SLC8A1: variants seen among roughly 807,000 people sequenced by gnomAD.
The protein encoded by SLC8A1 is sodium/calcium exchanger 1.
In SLC8A1, 18 loss-of-function variants were observed where a neutral mutation model predicts 68.3. That is an observed-to-expected ratio of 0.26 (90% CI 0.18 to 0.39). SLC8A1 has a LOEUF of 0.39. SLC8A1 is among the 10% of genes least tolerant of loss of function. The pLI is 1.00. For synonymous variants in SLC8A1, 475 were observed against 415.5 expected, an observed-to-expected ratio of 1.14 and a Z score of -1.74; for missense variants, 985 against 1,156.7, an observed-to-expected ratio of 0.85 and a Z score of 2.15.
chr2:40,279,042 ACCC>A (rs1266605431), intron 2 of SLC8A1, among the ~76,000 whole-genome samples: 1 of 152,070 alleles, frequency 6.6e-6, no homozygotes, highest in African/African-American at 2.4e-5. Flanking sequence ...CAAGGCCAAA[ACCC>A]TGATTCAAGC....
chr2:40,385,812 T>C (rs1248007273), intron 2 of SLC8A1, among the ~76,000 whole-genome samples: 1 of 151,166 alleles, frequency 6.6e-6, no homozygotes, highest in Non-Finnish European at 1.5e-5. Flanking sequence ...GTAATGACAA[T>C]GGTTTTTAAA....
At chr2:40,423,431 T>C (rs1322594644) in intron 2 of SLC8A1, among the ~76,000 whole-genome samples, 1 of 152,076 alleles carries the variant, frequency 6.6e-6, no homozygotes, top group African/African-American at 2.4e-5. Context: ...TCTGTTATAA[T>C]TCTTAGCCCA....
At chr2:40,215,338 T>A (rs1007931682) in intron 2 of SLC8A1, among the ~76,000 whole-genome samples, 22 of 152,026 alleles carry the variant, frequency 1.4e-4, no homozygotes, top group South Asian at 6.2e-4. Context: ...ACTAATTTTT[T>A]AAAAAATGTT....
chr2:40,484,071 A>T (rs763071126), intron 1 of SLC8A1, among the ~76,000 whole-genome samples: 1 of 152,248 alleles, frequency 6.6e-6, no homozygotes, highest in South Asian at 2.1e-4. Flanking sequence ...TAGAGAGGGT[A>T]TAACTGTGAC....
chr2:40,302,013 C>T (rs1379840133), intron 2 of SLC8A1, among the ~76,000 whole-genome samples: 1 of 146,628 alleles, frequency 6.8e-6, no homozygotes, highest in Admixed American at 6.9e-5. Flanking sequence ...CAGGCACCTG[C>T]CACCACACCG....
exon 8 of SLC8A1, chr2:40,098,876 A>G: frequency 6.6e-6 from 1 of 152,066 alleles, no homozygotes; most frequent in East Asian, 1.9e-4. Flanking sequence ...TACATTTTAC[A>G]GATCATTAAA....
At chr2:40,376,669 G>A (rs1679983303) in intron 2 of SLC8A1, among the ~76,000 whole-genome samples, 1 of 152,126 alleles carries the variant, frequency 6.6e-6, no homozygotes, top group Non-Finnish European at 1.5e-5. Context: ...CAACCATGGA[G>A]TCACTTAGCC....
chr2:40,360,872 A>G (rs1674407345), intron 2 of SLC8A1, among the ~76,000 whole-genome samples: 1 of 152,138 alleles, frequency 6.6e-6, no homozygotes, highest in African/African-American at 2.4e-5. Context: ...GTGGTTTATC[A>G]GGGCACCTCC....
intron 2 of SLC8A1, among the ~76,000 whole-genome samples, chr2:40,182,497 A>G (rs1014383258): frequency 1.3e-5 from 2 of 151,970 alleles, no homozygotes; most frequent in African/African-American, 4.8e-5. Flanking sequence ...AAAAAGAAAA[A>G]GAAAAAAACA....
intron 2 of SLC8A1, among the ~76,000 whole-genome samples, chr2:40,370,074 G>A (rs1257893266): frequency 1.3e-5 from 2 of 152,076 alleles, no homozygotes; most frequent in Non-Finnish European, 2.9e-5. Context: ...GGGAGACATG[G>A]CATTTTAATA....
intron 2 of SLC8A1, among the ~76,000 whole-genome samples, chr2:40,298,033 C>G (rs1363623446): frequency 6.6e-6 from 1 of 152,084 alleles, no homozygotes; most frequent in Non-Finnish European, 1.5e-5. Context: ...GTGTGCACCA[C>G]CACTCCTGGC....
chr2:40,475,379 C>A (rs1439090973), intron 1 of SLC8A1, among the ~76,000 whole-genome samples: 1 of 151,998 alleles, frequency 6.6e-6, no homozygotes, highest in Non-Finnish European at 1.5e-5. Flanking sequence ...GTGATCCACC[C>A]GCCTCTGCCT....
intron 2 of SLC8A1, among the ~76,000 whole-genome samples, chr2:40,236,693 T>C (rs1363666840): frequency 6.6e-6 from 1 of 152,120 alleles, no homozygotes; most frequent in Non-Finnish European, 1.5e-5. Context: ...TTCTTCCTAG[T>C]CTCAATGGTC....
At chr2:40,395,808 A>T (rs1467791802) in intron 2 of SLC8A1, among the ~76,000 whole-genome samples, 1 of 152,146 alleles carries the variant, frequency 6.6e-6, no homozygotes, top group Non-Finnish European at 1.5e-5. Context: ...CAGAATTAGA[A>T]CACAGCTGAC....
intron 2 of SLC8A1, among the ~76,000 whole-genome samples, chr2:40,365,014 T>C (rs891288083): frequency 2.6e-5 from 4 of 152,096 alleles, no homozygotes; most frequent in Non-Finnish European, 4.4e-5. Flanking sequence ...AGTTATTTTA[T>C]GGTATTATTG....
chr2:40,263,372 C>G (rs1000635256), intron 2 of SLC8A1, among the ~76,000 whole-genome samples: 18 of 152,050 alleles, frequency 1.2e-4, no homozygotes, highest in African/African-American at 4.1e-4. Context: ...CATATGGAAC[C>G]AAAAAAGAGC....
At chr2:40,346,435 T>C (rs1669334035) in intron 2 of SLC8A1, among the ~76,000 whole-genome samples, 1 of 152,150 alleles carries the variant, frequency 6.6e-6, no homozygotes, top group African/African-American at 2.4e-5. Context: ...GAAATTAGCA[T>C]CTCTGGGCAG....
exon 2 of SLC8A1, chr2:40,428,992 A>G: frequency 6.2e-7 from 1 of 1,613,844 alleles, no homozygotes; most frequent in Non-Finnish European, 8.5e-7. Flanking sequence ...ACCTCTGCGG[A>G]TAATGGTAAG....
At chr2:40,358,542 G>C (rs566565373) in intron 2 of SLC8A1, among the ~76,000 whole-genome samples, 5 of 152,292 alleles carry the variant, frequency 3.3e-5, no homozygotes, top group South Asian at 4.1e-4. Flanking sequence ...ACCTAATCCA[G>C]TCTAATCCTA....
Sources: allele counts gnomAD v4.1 joint callset (sites outside exome capture counted in the v4.1 genomes callset), GRCh38; gene constraint gnomAD v4.1.1; transcripts MANE v1.5; gene names NCBI Gene and HGNC (gene_info 2026-07-23, HGNC 2026-07-21).